The following GSN variants were observed in gnomAD, a reference collection of about 807,000 sequenced individuals.
GSN encodes gelsolin, also known as actin-depolymerizing factor.
Under a neutral mutation model 85.7 loss-of-function variants are expected in GSN, and 56 were observed. The observed-to-expected ratio is 0.65, with a 90% confidence interval of 0.53 to 0.82. GSN has a LOEUF of 0.82. Among genes scored for constraint, GSN ranks in the 40% least tolerant of loss-of-function variants. GSN has a pLI of 0.00. For missense variants in GSN, 857 were observed against 979.8 expected (o/e 0.87, Z 1.67); for synonymous variants, 373 against 399.1 (o/e 0.93, Z 0.78).
At chr9:121,331,253 A>C in intron 16 of GSN, 135 bp from the exon 17 acceptor site, 1 of 671,478 alleles carries the variant, frequency 1.5e-6, no homozygotes, top group Non-Finnish European at 2.7e-6. Flanking sequence ...AAATCCTTCC[A>C]GTCTTAGTTC....
At chr9:121,218,196 T>C (rs1367506074) in intron 4 of GSN, among the ~76,000 whole-genome samples, 1 of 152,176 alleles carries the variant, frequency 6.6e-6, no homozygotes, top group African/African-American at 2.4e-5. Context: ...TTTAGGTCTG[T>C]CAACCTGAAA....
intron 2 of GSN, among the ~76,000 whole-genome samples, chr9:121,293,933 A>G (rs1468419087): frequency 6.6e-6 from 1 of 150,592 alleles, no homozygotes; most frequent in Non-Finnish European, 1.5e-5. Flanking sequence ...TAGATGAGGA[A>G]ACGGAGGCTC....
intron 6 of GSN, among the ~76,000 whole-genome samples, chr9:121,256,692 A>T (rs893269304): frequency 5.3e-5 from 8 of 152,174 alleles, no homozygotes; most frequent in African/African-American, 1.7e-4. Context: ...AGTCTGGCCA[A>T]CGTGGTGAAA....
At chr9:121,273,078 T>C (rs2132415683) in intron 1 of GSN, among the ~76,000 whole-genome samples, 3 of 152,268 alleles carry the variant, frequency 2.0e-5, no homozygotes, top group Middle Eastern at 6.8e-3. Flanking sequence ...GTTTTCTTCC[T>C]GGGCTATAAA....
At position 121,332,581 on chromosome 9, in the gene GSN, C is replaced by T. The variant is rs1261361909; in HGVS notation, c.2174C>T (p.Ala725Val). The T allele has an allele frequency of 6.2e-7, 1 of 1,613,810 alleles. No homozygotes were observed. Residue 725 changes from alanine to valine, a missense_variant, in exon 18 of 18, where the codon GCC becomes GTC. Ala to Val is a moderately conservative substitution (Grantham distance 64). Transcript: ENST00000432226. This position sits in a 1 kb window ranked among gnomAD's most constrained non-coding sequence, Gnocchi z 4.8. The part of the protein sequence containing the change: ...DYWSVDPLDR[A>V]MAELAA ...TGGTCTGTGGACCCCTTGGACAGGG[C>T]CATGGCTGAGCTGGCTGCCTGAGGA...
intron 4 of GSN, among the ~76,000 whole-genome samples, chr9:121,217,097 C>T (rs1035142957): frequency 2.6e-5 from 4 of 152,142 alleles, no homozygotes; most frequent in Non-Finnish European, 5.9e-5. Flanking sequence ...CATTGGCTCA[C>T]GCCTATAATC....
At chr9:121,292,258 G>A (rs1214515816) in intron 2 of GSN, among the ~76,000 whole-genome samples, 2 of 152,194 alleles carry the variant, frequency 1.3e-5, no homozygotes. Context: ...GGGAGGGGGT[G>A]TCATTAGGAG....
intron 7 of GSN, among the ~76,000 whole-genome samples, chr9:121,314,236 G>A (rs925625115): frequency 2.0e-5 from 3 of 152,196 alleles, no homozygotes; most frequent in African/African-American, 4.8e-5. Context: ...TCTGTGTCAC[G>A]CTCATACATG....
chr9:121,314,133 G>A, intron 7 of GSN, 110 bp downstream of exon 7: 1 of 858,156 alleles, frequency 1.2e-6, no homozygotes, highest in Admixed American at 1.9e-5. Flanking sequence ...CACCCCTTTG[G>A]AGGGGGGCCT....
At chr9:121,309,914 A>G (rs1355800420) in intron 4 of GSN, 1 of 152,476 alleles carries the variant, frequency 6.6e-6, no homozygotes, top group East Asian at 1.9e-4. Context: ...GTGAGCTGTG[A>G]TTGTACCAAT....
upstream of GSN, among the ~76,000 whole-genome samples, chr9:121,206,595 G>T (rs146900030): frequency 6.6e-6 from 1 of 152,144 alleles, no homozygotes; most frequent in South Asian, 2.1e-4. Flanking sequence ...CATTAATGAG[G>T]TAAAAAGCAA....
intron 5 of GSN, among the ~76,000 whole-genome samples, chr9:121,247,891 C>A (rs1337163532): frequency 1.4e-5 from 2 of 145,882 alleles, no homozygotes; most frequent in Non-Finnish European, 3.0e-5. Context: ...CCCCAGTGCC[C>A]ACCACACCCC....
intron 2 of GSN, among the ~76,000 whole-genome samples, chr9:121,298,856 T>G (rs911556901): frequency 2.6e-5 from 4 of 152,048 alleles, no homozygotes. Flanking sequence ...GGATAGCACT[T>G]CCCTTAACCC....
the GSN span, among the ~76,000 whole-genome samples, chr9:121,202,222 T>C: frequency 6.6e-6 from 1 of 152,362 alleles, no homozygotes; most frequent in East Asian, 1.9e-4. Context: ...GAACAATTTT[T>C]AAAGCCAACA....
At chr9:121,232,179 G>A (rs572318184) in intron 5 of GSN, among the ~76,000 whole-genome samples, 1 of 152,212 alleles carries the variant, frequency 6.6e-6, no homozygotes, top group South Asian at 2.1e-4. Flanking sequence ...TTATAATGTG[G>A]TACAATGTAG....
At chr9:121,325,581 A>C (rs956728721) in intron 12 of GSN, among the ~76,000 whole-genome samples, 3 of 152,148 alleles carry the variant, frequency 2.0e-5, no homozygotes, top group African/African-American at 4.8e-5. Flanking sequence ...CACTCTGGCC[A>C]GGCGCTGGAG....
rs1177326530 is a variant in GSN, at chr9:121,282,440, A to G, written c.-10+878A>G. The G allele has an allele frequency of 3.1e-6, 4 of 1,296,862 alleles. No individual in the cohort carries two copies. In the African/African-American group the frequency reaches 4.5e-5, roughly 15 times the overall value. The allele number at this position is 1,296,862 out of a possible 1,614,324, so 80.3% of individuals were successfully genotyped here. On this transcript the variant is annotated intron_variant, in intron 2 of 17. Coordinates refer to ENST00000432226, the MANE Select transcript of GSN (RefSeq NM_198252.3). ...ACGCCATCCCTTTTCTGCCAAAAGG[A>G]GAAGGGGATGAATGAATACAGGACT... is the stretch of plus-strand genomic sequence containing the variant.
At position 121,224,073 on chromosome 9, in the gene GSN, G is replaced by A. The variant is rs948220315; in HGVS notation, c.-527-7092G>A. 8.6e-4 allele frequency among the ~76,000 whole-genome samples: 131 copies of A among 151,850 alleles called. 1 individual carries two copies. The highest frequency in any genetic ancestry group is 2.8e-3 in the African/African-American group (118 of 41,414). On this transcript the variant is annotated intron_variant, in intron 4 of 24. Transcript: ENST00000373823. ...TGATAGGTTAAAAAAAAGGTATATC[G>A]GTGTTATTTGAATATACATTTATTT...
chr9:121,302,244 G>A, intron 3 of GSN, 77 bp downstream of exon 3: 1 of 1,492,290 alleles, frequency 6.7e-7, no homozygotes. Context: ...GGTCCCCAGG[G>A]AGGGAACTGA....
Sources: allele counts gnomAD v4.1 joint callset (sites outside exome capture counted in the v4.1 genomes callset), GRCh38; gene constraint gnomAD v4.1.1; non-coding constraint Gnocchi (gnomAD v3.1); transcripts MANE v1.5; gene names NCBI Gene and HGNC (gene_info 2026-07-23, HGNC 2026-07-21).